NEDD4L: variants seen among roughly 807,000 people sequenced by gnomAD.
NEDD4L encodes the protein E3 ubiquitin-protein ligase NEDD4-like.
NEDD4L carries 54 observed loss-of-function variants against 148.9 expected under a neutral mutation model. That is an observed-to-expected ratio of 0.36 (90% confidence interval 0.29 to 0.45). NEDD4L has a LOEUF of 0.45. Ranked by LOEUF, NEDD4L falls within the 20% of genes least tolerant of loss-of-function variation. The pLI is 1.00. For missense variants in NEDD4L, 856 were observed against 1,233.8 expected (o/e 0.69, Z 4.59); for synonymous variants, 433 against 440.7 (o/e 0.98, Z 0.22).
intron 2 of NEDD4L, among the ~76,000 whole-genome samples, chr18:58,185,243 T>C (rs946132855): frequency 3.9e-5 from 6 of 152,178 alleles, no homozygotes; most frequent in African/African-American, 1.4e-4. Flanking sequence ...CTCACTTCCC[T>C]GTAAGCTTTT....
At chr18:58,102,051 C>G (rs1282902919) in intron 1 of NEDD4L, among the ~76,000 whole-genome samples, 1 of 152,164 alleles carries the variant, frequency 6.6e-6, no homozygotes, top group Admixed American at 6.5e-5. Flanking sequence ...CCACTTAACT[C>G]CTAGCCTAAT....
At position 58,074,434 on chromosome 18, in the gene NEDD4L, A is replaced by AT. The variant is rs544878321; in HGVS notation, c.48+29746dup. Reference sequence around the variant, plus strand: ...CCACCATGCCTGGCTAATTTTTTGTATTTTTTTTTTTTTTTTTTTTAATAG... The same window carrying AT: ...CCACCATGCCTGGCTAATTTTTTGTATTTTTTTTTTTTTTTTTTTTTAATAG... On this transcript the variant is annotated intron_variant, in intron 1 of 30. Coordinates refer to ENST00000400345, the MANE Select transcript of NEDD4L (RefSeq NM_001144967.3). Among the ~76,000 whole-genome samples, 535 of 111,756 alleles carry AT rather than the reference A, an allele frequency of 4.8e-3. 1 individual carries two copies. The highest frequency in any genetic ancestry group is 0.026 in the East Asian group (87 of 3,320). 73.3% of individuals were successfully genotyped at this position (111,756 alleles called of 152,430 possible). A position where few individuals can be genotyped will look rare whatever the true frequency, so the allele number is the denominator to read the frequency against.
At chr18:58,200,292 G>A (rs1453095729) in intron 2 of NEDD4L, among the ~76,000 whole-genome samples, 1 of 152,172 alleles carries the variant, frequency 6.6e-6, no homozygotes, top group East Asian at 1.9e-4. Context: ...GAATTTACAG[G>A]TTTAAAAAGT....
At chr18:58,207,498 TA>T (rs35259439) in intron 2 of NEDD4L, among the ~76,000 whole-genome samples, 80,250 of 151,864 alleles carry the variant, frequency 0.53, 22,880 homozygotes, top group Non-Finnish European at 0.64. Flanking sequence ...TGTTAACCTC[TA>T]AGTGCAACAG....
intron 2 of NEDD4L, among the ~76,000 whole-genome samples, chr18:58,169,052 CG>C (rs2037228465): frequency 6.6e-6 from 1 of 152,128 alleles, no homozygotes; most frequent in Non-Finnish European, 1.5e-5. Flanking sequence ...GCTCAGAGGC[CG>C]GGGGTTTCTG....
At chr18:58,354,171 T>G (rs2044285069) in intron 18 of NEDD4L, among the ~76,000 whole-genome samples, 1 of 152,190 alleles carries the variant, frequency 6.6e-6, no homozygotes, top group Non-Finnish European at 1.5e-5. Flanking sequence ...AAACTGAATC[T>G]CTACATCTTG....
rs79207989 is a variant in NEDD4L, at chr18:58,177,068, C to G, written c.122+11207C>G. On this transcript the variant is annotated intron_variant, in intron 2 of 30. Transcript: ENST00000400345. ...TCCTAGGGCTGGTGAAGTTTGGATC[C>G]CCTGCCTGACATTGTGTCCTGAGCC... 5.4e-3 allele frequency among the ~76,000 whole-genome samples: 813 copies of G among 151,928 alleles called. 31 individuals are homozygous for G. The South Asian group carries it at 0.076, about 14-fold the overall frequency.
At chr18:58,359,424 C>CA (rs1224765198) in intron 19 of NEDD4L, among the ~76,000 whole-genome samples, 1 of 152,206 alleles carries the variant, frequency 6.6e-6, no homozygotes, top group East Asian at 1.9e-4. Context: ...TCCTTAACAT[C>CA]AGGACCTCAG....
chr18:58,238,458 A>C (rs1237298714), intron 2 of NEDD4L, among the ~76,000 whole-genome samples: 2 of 152,242 alleles, frequency 1.3e-5, no homozygotes, highest in African/African-American at 4.8e-5. Flanking sequence ...AAACTTAATA[A>C]AAACCATAAA....
intron 1 of NEDD4L, among the ~76,000 whole-genome samples, chr18:58,143,098 T>C (rs1486663773): frequency 6.6e-6 from 1 of 152,300 alleles, no homozygotes; most frequent in Admixed American, 6.5e-5. Flanking sequence ...CATATTAATA[T>C]CCTTTAGTGC....
At chr18:58,251,921 T>C (rs1278481655) in intron 4 of NEDD4L, 80 bp from the exon 5 acceptor site, 2 of 787,928 alleles carry the variant, frequency 2.5e-6, no homozygotes, top group African/African-American at 3.4e-5. Flanking sequence ...TGTAAAGCAG[T>C]ATGTTATTCT....
At chr18:58,052,093 G>A (rs1438330132) in intron 1 of NEDD4L, among the ~76,000 whole-genome samples, 1 of 152,154 alleles carries the variant, frequency 6.6e-6, no homozygotes, top group Non-Finnish European at 1.5e-5. Context: ...TAGAAAACTA[G>A]AAACTAGATT....
intron 1 of NEDD4L, among the ~76,000 whole-genome samples, chr18:58,105,189 A>G (rs1787775): frequency 0.33 from 50,622 of 151,994 alleles, 9,836 homozygotes; most frequent in African/African-American, 0.54. Context: ...CCTAGTTTTG[A>G]GAAATCTGTC....
At chr18:58,132,498 T>C (rs1437526551) in intron 1 of NEDD4L, among the ~76,000 whole-genome samples, 1 of 152,258 alleles carries the variant, frequency 6.6e-6, no homozygotes, top group Non-Finnish European at 1.5e-5. Flanking sequence ...TGAACCCTCC[T>C]ATTGTCAGAT....
intron 1 of NEDD4L, among the ~76,000 whole-genome samples, chr18:58,067,397 C>G (rs1185432488): frequency 2.0e-5 from 3 of 152,160 alleles, no homozygotes; most frequent in Non-Finnish European, 2.9e-5. Flanking sequence ...AACCACTCAG[C>G]TATCTGATAT....
At chr18:58,100,606 C>T (rs1378791243) in intron 1 of NEDD4L, among the ~76,000 whole-genome samples, 1 of 152,160 alleles carries the variant, frequency 6.6e-6, no homozygotes, top group Non-Finnish European at 1.5e-5. Flanking sequence ...GATCTCTCTT[C>T]TGAGCAAGAG....
At chr18:58,045,217 C>T (rs1251475708) in intron 1 of NEDD4L, 3 of 398,198 alleles carry the variant, frequency 7.5e-6, no homozygotes, top group Non-Finnish European at 1.3e-5. Context: ...GTGCTTATCC[C>T]GGCGGGAATG....
At chr18:58,161,006 G>A (rs1350191948) in intron 1 of NEDD4L, among the ~76,000 whole-genome samples, 1 of 151,608 alleles carries the variant, frequency 6.6e-6, no homozygotes, top group African/African-American at 2.4e-5. Flanking sequence ...TCATAGGGTT[G>A]TTTTTCTTTC....
chr18:58,061,345 G>A (rs2144694076), intron 1 of NEDD4L, among the ~76,000 whole-genome samples: 1 of 152,334 alleles, frequency 6.6e-6, no homozygotes, highest in Non-Finnish European at 1.5e-5. Context: ...CTTGGCCAAA[G>A]CTCTGCAGCT....
Sources: gnomAD v4.1 joint callset for allele counts (sites outside exome capture counted in the v4.1 genomes callset) on GRCh38, gnomAD v4.1.1 for gene constraint, MANE v1.5 for transcripts, NCBI Gene and HGNC (gene_info 2026-07-23, HGNC 2026-07-21) for gene names.